Variants in BEND7 observed in about 807,000 individuals in gnomAD.
BEND7 encodes BEN domain containing 7.
A neutral mutation model predicts 50.9 loss-of-function variants in BEND7; 28 were observed. The observed-to-expected ratio is 0.55, with a 90% CI of 0.41 to 0.75. BEND7 has a LOEUF of 0.75. Ranked by LOEUF, BEND7 falls within the 30% of genes least tolerant of loss-of-function variation. The pLI is 0.00. For synonymous variants in BEND7, 170 were observed against 183.9 expected, an observed-to-expected ratio of 0.92 and a Z score of 0.61; for missense variants, 477 against 491.3, an observed-to-expected ratio of 0.97 and a Z score of 0.28.
At chr10:13,503,592 A>T (rs189991755) in intron 2 of BEND7, among the ~76,000 whole-genome samples, 1 of 152,202 alleles carries the variant, frequency 6.6e-6, no homozygotes, top group South Asian at 2.1e-4. Flanking sequence ...GCGCGCCTGT[A>T]GTTCCAGCTA....
rs2079444717 is a variant in BEND7 at position 13,526,077 on chromosome 10, T to C, written c.145+61A>G. On this transcript the variant is annotated intron_variant, in intron 2 of 8. Coordinates refer to ENST00000466271, the MANE Select transcript of BEND7 (RefSeq NM_001369863.1). The stretch of plus-strand genomic sequence containing the variant: ...CCCGTTCCTGAACAATTTCCTTTTT[T>C]CCCCCTAATTGCAAATGGTCACGAT... 1.8e-5 allele frequency: 16 copies of C among 880,668 alleles called. 1 individual carries two copies. In the South Asian group the frequency reaches 2.4e-4, roughly 13 times the overall value. 54.6% of individuals were successfully genotyped at this position (880,668 alleles called of 1,614,324 possible). A position where few individuals can be genotyped will look rare whatever the true frequency, so the allele number is the denominator to read the frequency against.
intron 6 of BEND7, among the ~76,000 whole-genome samples, chr10:13,478,656 C>A (rs2075636455): frequency 6.6e-6 from 1 of 152,050 alleles, no homozygotes; most frequent in Non-Finnish European, 1.5e-5. Context: ...CATTTTAAAT[C>A]ATTTGCATTT....
chr10:13,480,213 G>T (rs527782720), intron 6 of BEND7, among the ~76,000 whole-genome samples: 3 of 152,312 alleles, frequency 2.0e-5, no homozygotes, highest in African/African-American at 7.2e-5. Context: ...AGAGAAGTAG[G>T]TTTAGGATGT....
chr10:13,508,877 G>A (rs1366681476), intron 2 of BEND7, among the ~76,000 whole-genome samples: 1 of 152,186 alleles, frequency 6.6e-6, no homozygotes, highest in Non-Finnish European at 1.5e-5. Flanking sequence ...CTGATCGACG[G>A]GCAGGCCTAA....
Position 13,509,502 on chromosome 10 carries a change from C to T in BEND7, c.146-9422G>A, listed in dbSNP as rs115877484. Among the ~76,000 whole-genome samples the T allele has an allele frequency of 2.3e-3, 351 of 152,264 alleles. 2 individuals carry two copies. Among genetic ancestry groups the T allele is most frequent in the African/African-American group, 8.2e-3 (342 of 41,554 alleles). ...GCTACACTTCCCAGGAGCACAGTTACGGTGTCCGTGACTGAACAGACAAAA... is the reference window on the plus strand; with the variant it reads ...GCTACACTTCCCAGGAGCACAGTTATGGTGTCCGTGACTGAACAGACAAAA... On this transcript the variant is annotated intron_variant, in intron 2 of 8. Transcript: ENST00000466271.
chr10:13,504,617 G>A (rs2077734245), intron 2 of BEND7, among the ~76,000 whole-genome samples: 1 of 152,216 alleles, frequency 6.6e-6, no homozygotes, highest in Non-Finnish European at 1.5e-5. Context: ...TAGATACCAG[G>A]AAAAGGAAGC....
intron 5 of BEND7, among the ~76,000 whole-genome samples, chr10:13,489,998 T>C (rs1315995300): frequency 1.3e-5 from 2 of 152,256 alleles, no homozygotes; most frequent in African/African-American, 4.8e-5. Flanking sequence ...CACAACACTC[T>C]GCCATTTTTG....
chr10:13,474,699 A>C (rs1453920003), intron 6 of BEND7, among the ~76,000 whole-genome samples: 1 of 137,926 alleles, frequency 7.3e-6, no homozygotes, highest in Non-Finnish European at 1.6e-5. Context: ...TGTTGGGCTC[A>C]GGTCGATACC....
chr10:13,470,790 T>C (rs1483393395), intron 6 of BEND7, among the ~76,000 whole-genome samples: 1 of 152,216 alleles, frequency 6.6e-6, no homozygotes, highest in African/African-American at 2.4e-5. Flanking sequence ...AGCACAGTTC[T>C]GGCTGAAAAC....
intron 2 of BEND7, among the ~76,000 whole-genome samples, chr10:13,512,041 G>C (rs944574195): frequency 1.3e-5 from 2 of 152,194 alleles, no homozygotes; most frequent in Non-Finnish European, 2.9e-5. Context: ...ACACAGGGTG[G>C]AAACAAGGAA....
Position 13,496,757 on chromosome 10 carries a change from T to C in BEND7, c.571+9A>G. 6.2e-7 allele frequency: 1 copy of C among 1,611,894 alleles called. No individual in the cohort carries two copies. Among genetic ancestry groups the C allele is most frequent in the Non-Finnish European group, 8.5e-7 (1 of 1,179,320 alleles). On this transcript the variant is annotated intron_variant, in intron 4 of 8. Transcript: ENST00000466271. Reference sequence around the variant, plus strand: ...TCAAAGGACTCATTCCGAGGCCTGATCCTTGTACCTGCTTGAATTTGCATT... The same window carrying C: ...TCAAAGGACTCATTCCGAGGCCTGACCCTTGTACCTGCTTGAATTTGCATT...
At chr10:13,478,315 G>A (rs181224592) in intron 6 of BEND7, among the ~76,000 whole-genome samples, 8 of 152,326 alleles carry the variant, frequency 5.3e-5, no homozygotes, top group African/African-American at 1.9e-4. Flanking sequence ...GGAGTTCAGA[G>A]AGAACCCCTC....
rs932204839 is a variant in BEND7, at chr10:13,494,402, T to C, written c.572-1526A>G. On this transcript the variant is annotated intron_variant, in intron 4 of 8. Transcript: ENST00000466271. ...ACTGCACTCCAGCCTGGCGACAGAG[T>C]GAGACTATGTCTCAAAACAAAAACA... 7.2e-5 allele frequency among the ~76,000 whole-genome samples: 11 copies of C among 152,128 alleles called. 1 individual carries two copies. The highest frequency in any genetic ancestry group is 6.8e-3 in the Middle Eastern group (2 of 294).
chr10:13,439,268 G>C (rs749761993), downstream of BEND7: 6 of 1,614,216 alleles, frequency 3.7e-6, no homozygotes, highest in South Asian at 1.1e-5. Flanking sequence ...GTGTAGCTGA[G>C]ACCTGAGTTA....
At chr10:13,516,997 T>C (rs956831020) in intron 2 of BEND7, among the ~76,000 whole-genome samples, 2 of 152,120 alleles carry the variant, frequency 1.3e-5, no homozygotes, top group African/African-American at 4.8e-5. Flanking sequence ...CTGGTTATAT[T>C]CTTTAAGAAG....
chr10:13,454,005 C>G (rs1838366593), intron 6 of BEND7, among the ~76,000 whole-genome samples: 2 of 152,184 alleles, frequency 1.3e-5, no homozygotes, highest in African/African-American at 4.8e-5. Flanking sequence ...AGGAAGAGAT[C>G]GATGTCAGTA....
chr10:13,500,478 G>A (rs776295760), intron 2 of BEND7: 37 of 993,472 alleles, frequency 3.7e-5, no homozygotes, highest in Non-Finnish European at 4.5e-5. Context: ...CACCCGTGAG[G>A]AATGGGCAGG....
chr10:13,528,599 AGCGGCAGCGGCGGCG>A lies in BEND7; in HGVS notation c.-81_-67del. On this transcript the variant is annotated 5_prime_UTR_variant, in exon 1 of 9. Coordinates refer to ENST00000466271, the MANE Select transcript of BEND7 (RefSeq NM_001369863.1). ...CAGCGGCGGCAGCGGCAGCGGCGGC[AGCGGCAGCGGCGGCG>A]CGGGCTCGTGTCACCGCGGCGGAGC... 9.9e-6 allele frequency: 7 copies of A among 706,932 alleles called. No individual in the cohort carries two copies. The highest frequency in any genetic ancestry group is 1.1e-5 in the Non-Finnish European group (7 of 629,880). 43.8% of individuals were successfully genotyped at this position (706,932 alleles called of 1,614,324 possible).
chr10:13,520,200 A>G (rs1171730575), intron 2 of BEND7, among the ~76,000 whole-genome samples: 1 of 152,188 alleles, frequency 6.6e-6, no homozygotes, highest in Admixed American at 6.5e-5. Context: ...AGAAATGACA[A>G]TACCTTCTCA....
Sources: gnomAD v4.1 joint callset for allele counts (sites outside exome capture counted in the v4.1 genomes callset) on GRCh38, gnomAD v4.1.1 for gene constraint, MANE v1.5 for transcripts, NCBI Gene and HGNC (gene_info 2026-07-23, HGNC 2026-07-21) for gene names.